Variants in PTPRD observed in about 807,000 individuals in gnomAD.
The protein encoded by PTPRD is protein tyrosine phosphatase receptor type D.
Under a neutral mutation model 214.5 loss-of-function variants are expected in PTPRD, and 34 were observed. The ratio of observed to expected loss-of-function variants is 0.16; its 90% CI spans 0.12 to 0.21. PTPRD has a LOEUF of 0.21. PTPRD is among the 10% of genes least tolerant of loss of function. The probability of loss-of-function intolerance (pLI) is 1.00; values close to 1 mark genes in which losing one functional copy is unlikely to be tolerated. For missense variants in PTPRD, 2,545 were observed against 2,398.7 expected (o/e 1.06, Z -1.27); for synonymous variants, 1,128 against 845.7 (o/e 1.33, Z -5.79).
intron 3 of PTPRD, among the ~76,000 whole-genome samples, chr9:10,237,303 T>A (rs2099632265): frequency 6.6e-6 from 1 of 151,946 alleles, no homozygotes; most frequent in African/African-American, 2.4e-5. Flanking sequence ...AACTCCAGAC[T>A]GCTGTTTACC....
intron 32 of PTPRD, among the ~76,000 whole-genome samples, chr9:8,462,954 G>A (rs576492895): frequency 5.3e-5 from 8 of 151,830 alleles, no homozygotes; most frequent in Admixed American, 2.0e-4. Flanking sequence ...CTTGTACTTA[G>A]TGGGTTCTCA....
intron 10 of PTPRD, among the ~76,000 whole-genome samples, chr9:9,089,077 A>G (rs538164054): frequency 4.2e-4 from 64 of 152,102 alleles, no homozygotes; most frequent in Non-Finnish European, 7.9e-4. Flanking sequence ...ATAATTTGTG[A>G]CTTGCTAAAA....
chr9:9,394,742 A>G (rs2067124697), intron 9 of PTPRD, among the ~76,000 whole-genome samples: 1 of 152,106 alleles, frequency 6.6e-6, no homozygotes, highest in Non-Finnish European at 1.5e-5. Flanking sequence ...GGGAATATGT[A>G]GCATATTGAA....
At chr9:9,183,962 T>C (rs916349571) in intron 9 of PTPRD, among the ~76,000 whole-genome samples, 91 of 152,222 alleles carry the variant, frequency 6.0e-4, no homozygotes, top group African/African-American at 2.1e-3. Flanking sequence ...AGGCACAATG[T>C]CTTAATTTCT....
intron 2 of PTPRD, among the ~76,000 whole-genome samples, chr9:10,361,995 A>T (rs73402264): frequency 0.017 from 2,631 of 152,300 alleles, 94 homozygotes; most frequent in African/African-American, 0.059. Context: ...TTAAGATGTC[A>T]GCATTTTCAT....
At chr9:8,639,858 T>G (rs1028945312) in intron 12 of PTPRD, among the ~76,000 whole-genome samples, 2 of 152,228 alleles carry the variant, frequency 1.3e-5, no homozygotes, top group Non-Finnish European at 2.9e-5. Flanking sequence ...ACTTGGAGAA[T>G]AGGTATGAGT....
At chr9:9,208,020 C>CATTTTTTTTTTTTTTTT (rs1554981097) in intron 9 of PTPRD, among the ~76,000 whole-genome samples, 7 of 53,266 alleles carry the variant, frequency 1.3e-4, no homozygotes, top group African/African-American at 3.8e-4. Context: ...TATATATCTG[C>CATTTTTTTTTTTTTTTT]TTTTTTTTTT....
intron 9 of PTPRD, among the ~76,000 whole-genome samples, chr9:9,385,974 T>TGCTTCTGGAATA (rs2063745956): frequency 6.6e-6 from 1 of 152,178 alleles, no homozygotes; most frequent in Non-Finnish European, 1.5e-5. Flanking sequence ...TGTATCTATT[T>TGCTTCTGGAATA]GCTTCTGGAA....
chr9:10,047,851 G>A (rs936408357), intron 3 of PTPRD, among the ~76,000 whole-genome samples: 1 of 152,058 alleles, frequency 6.6e-6, no homozygotes. Flanking sequence ...GTGCAAGTGT[G>A]GTTAAATGGG....
chr9:10,417,085 G>A (rs554849785), intron 2 of PTPRD, among the ~76,000 whole-genome samples: 40 of 151,860 alleles, frequency 2.6e-4, no homozygotes, highest in African/African-American at 9.4e-4. Flanking sequence ...CAAACTGTGG[G>A]GTTGCAGATG....
chr9:8,939,495 A>G (rs1397318533), intron 11 of PTPRD, among the ~76,000 whole-genome samples: 1 of 152,164 alleles, frequency 6.6e-6, no homozygotes, highest in Non-Finnish European at 1.5e-5. Context: ...CCACCAAAGA[A>G]CTATGTAAAT....
intron 9 of PTPRD, among the ~76,000 whole-genome samples, chr9:9,197,178 A>G (rs911796131): frequency 6.6e-6 from 1 of 152,156 alleles, no homozygotes; most frequent in African/African-American, 2.4e-5. Context: ...TTCTGGAAGC[A>G]TCTAATCCAG....
At chr9:10,420,318 C>G (rs180757140) in intron 2 of PTPRD, among the ~76,000 whole-genome samples, 2 of 151,844 alleles carry the variant, frequency 1.3e-5, no homozygotes, top group South Asian at 4.1e-4. Flanking sequence ...CCTTTGACAT[C>G]TTTACTAGTC....
intron 12 of PTPRD, 85 bp downstream of exon 12, chr9:8,733,695 T>C: frequency 7.4e-7 from 1 of 1,359,422 alleles, no homozygotes; most frequent in Non-Finnish European, 1.0e-6. Flanking sequence ...AGGAAATGTA[T>C]TCAGAGGCCC....
At chr9:8,454,104 T>C (rs971839112) in intron 33 of PTPRD, among the ~76,000 whole-genome samples, 1 of 152,196 alleles carries the variant, frequency 6.6e-6, no homozygotes, top group African/African-American at 2.4e-5. Context: ...ACATGGATAA[T>C]AATTTTGAAT....
intron 3 of PTPRD, among the ~76,000 whole-genome samples, chr9:10,254,419 G>T (rs1038044199): frequency 6.6e-6 from 1 of 151,752 alleles, no homozygotes; most frequent in Admixed American, 6.6e-5. Context: ...CACAGTGCAT[G>T]TCCTAGTTTG....
intron 9 of PTPRD, among the ~76,000 whole-genome samples, chr9:9,268,565 T>C (rs1941262127): frequency 6.6e-6 from 1 of 151,224 alleles, no homozygotes; most frequent in Admixed American, 6.6e-5. Flanking sequence ...GAAGTAAACT[T>C]GGTTGAGAAG....
At chr9:10,329,097 T>G (rs902118676) in intron 3 of PTPRD, among the ~76,000 whole-genome samples, 2 of 151,812 alleles carry the variant, frequency 1.3e-5, no homozygotes. Context: ...AAATTATAGT[T>G]GTTTTTCTGT....
intron 8 of PTPRD, among the ~76,000 whole-genome samples, chr9:9,410,270 A>G (rs947358766): frequency 9.9e-5 from 15 of 152,226 alleles, no homozygotes; most frequent in Non-Finnish European, 2.2e-4. Flanking sequence ...TTTGCTATAA[A>G]TCACAGACAG....
Sources: gnomAD v4.1 joint callset for allele counts (sites outside exome capture counted in the v4.1 genomes callset) on GRCh38, gnomAD v4.1.1 for gene constraint, MANE v1.5 for transcripts, NCBI Gene and HGNC (gene_info 2026-07-23, HGNC 2026-07-21) for gene names.